The following OXR1 variants were observed in gnomAD, a reference collection of about 807,000 sequenced individuals.
OXR1 encodes the protein oxidation resistance protein 1.
A neutral mutation model predicts 104.6 loss-of-function variants in OXR1; 41 were observed. That is an observed-to-expected ratio of 0.39 (90% CI 0.31 to 0.51). OXR1 has a LOEUF of 0.51. Among genes scored for constraint, OXR1 ranks in the 20% least tolerant of loss-of-function variants. OXR1 has a pLI of 0.77. For synonymous variants in OXR1, 348 were observed against 348.4 expected (o/e 1.00, Z 0.01); for missense variants, 955 against 1,031.9 (o/e 0.93, Z 1.02).
intron 2 of OXR1, among the ~76,000 whole-genome samples, chr8:106,379,143 A>G (rs1817027050): frequency 6.6e-6 from 1 of 152,162 alleles, no homozygotes; most frequent in South Asian, 2.1e-4. Flanking sequence ...AAACGTGTTA[A>G]AGGCATCATC....
At chr8:106,284,791 C>G (rs1196807445) in intron 1 of OXR1, among the ~76,000 whole-genome samples, 1 of 147,530 alleles carries the variant, frequency 6.8e-6, no homozygotes, top group Non-Finnish European at 1.5e-5. Context: ...AAGCTATTAA[C>G]ATTAACCTCA....
chr8:106,423,718 G>T (rs149801176), intron 2 of OXR1, among the ~76,000 whole-genome samples: 4 of 152,222 alleles, frequency 2.6e-5, no homozygotes, highest in African/African-American at 7.2e-5. Context: ...TAAACCACTG[G>T]AGATGAAGAC....
chr8:106,392,585 T>C (rs1252462002), intron 2 of OXR1, among the ~76,000 whole-genome samples: 1 of 152,152 alleles, frequency 6.6e-6, no homozygotes, highest in Non-Finnish European at 1.5e-5. Context: ...GTGATGATAT[T>C]ATTGCATATG....
At chr8:106,340,067 C>T (rs1375578658) in intron 1 of OXR1, among the ~76,000 whole-genome samples, 3 of 152,040 alleles carry the variant, frequency 2.0e-5, no homozygotes, top group Non-Finnish European at 4.4e-5. Flanking sequence ...AAGCTTCCAG[C>T]CTAAAGCTCT....
chr8:106,392,017 A>G (rs1817602990), intron 2 of OXR1, among the ~76,000 whole-genome samples: 1 of 152,148 alleles, frequency 6.6e-6, no homozygotes, highest in African/African-American at 2.4e-5. Context: ...GCATGACACA[A>G]AAGCATCATC....
intron 3 of OXR1, among the ~76,000 whole-genome samples, chr8:106,594,006 C>T (rs1238488580): frequency 6.6e-6 from 1 of 152,148 alleles, no homozygotes; most frequent in African/African-American, 2.4e-5. Flanking sequence ...ATTTAAGGTA[C>T]GTCAAACTGG....
At chr8:106,450,101 C>G (rs1351246922) in intron 2 of OXR1, among the ~76,000 whole-genome samples, 1 of 152,078 alleles carries the variant, frequency 6.6e-6, no homozygotes, top group African/African-American at 2.4e-5. Flanking sequence ...TTTATTCATG[C>G]AATGATGGAT....
chr8:106,472,763 C>G (rs1821585944), intron 2 of OXR1, among the ~76,000 whole-genome samples: 1 of 151,724 alleles, frequency 6.6e-6, no homozygotes, highest in Admixed American at 6.6e-5. Flanking sequence ...ATATCAGTGT[C>G]CAGTGGTTCT....
At chr8:106,487,139 TCAGCCTCTGGAGTAG>T in intron 2 of OXR1, among the ~76,000 whole-genome samples, 1 of 151,702 alleles carries the variant, frequency 6.6e-6, no homozygotes, top group African/African-American at 2.4e-5. Context: ...TTCTCCTGCT[TCAGCCTCTGGAGTAG>T]CTGGGATTAC....
intron 3 of OXR1, among the ~76,000 whole-genome samples, chr8:106,615,242 C>T (rs7838459): frequency 0.35 from 52,590 of 151,742 alleles, 9,524 homozygotes; most frequent in African/African-American, 0.44. Flanking sequence ...CCAGCCTGAC[C>T]GACATGGTGA....
chr8:106,718,109 G>A (rs1168088271), intron 11 of OXR1, among the ~76,000 whole-genome samples: 1 of 152,140 alleles, frequency 6.6e-6, no homozygotes, highest in Non-Finnish European at 1.5e-5. Context: ...GAAAATGTTT[G>A]TCTTCCCTTT....
intron 2 of OXR1, among the ~76,000 whole-genome samples, chr8:106,362,424 C>G (rs1188968688): frequency 2.0e-5 from 3 of 152,088 alleles, no homozygotes; most frequent in Non-Finnish European, 4.4e-5. Context: ...ATTCTCCCAG[C>G]TTTTAAATAC....
intron 1 of OXR1, among the ~76,000 whole-genome samples, chr8:106,298,067 T>C (rs965839159): frequency 6.6e-6 from 1 of 152,194 alleles, no homozygotes; most frequent in South Asian, 2.1e-4. Flanking sequence ...CAATTTTTCT[T>C]ATAATAAGTA....
At chr8:106,633,613 T>C (rs1005238745) in intron 3 of OXR1, among the ~76,000 whole-genome samples, 2 of 152,226 alleles carry the variant, frequency 1.3e-5, no homozygotes, top group African/African-American at 4.8e-5. Context: ...GCCCTGATCA[T>C]CTGAGCCAGC....
chr8:106,710,467 GA>G (rs958189890), intron 9 of OXR1, among the ~76,000 whole-genome samples, 154 bp from the exon 10 acceptor site: 5 of 151,436 alleles, frequency 3.3e-5, no homozygotes, highest in African/African-American at 9.7e-5. Flanking sequence ...ACCTTTGAAG[GA>G]AAAAAAATAT....
chr8:106,570,778 A>G (rs1817416291), intron 3 of OXR1, among the ~76,000 whole-genome samples: 1 of 152,168 alleles, frequency 6.6e-6, no homozygotes, highest in Non-Finnish European at 1.5e-5. Flanking sequence ...TCCAATCTAA[A>G]TAGCCAACAT....
chr8:106,285,780 C>T (rs1356958967), intron 1 of OXR1, among the ~76,000 whole-genome samples: 2 of 151,842 alleles, frequency 1.3e-5, no homozygotes, highest in African/African-American at 2.4e-5. Flanking sequence ...TCTTTATACA[C>T]GACGTCAACA....
At chr8:106,336,798 TC>T (rs1814986297) in intron 1 of OXR1, among the ~76,000 whole-genome samples, 1 of 152,148 alleles carries the variant, frequency 6.6e-6, no homozygotes, top group Non-Finnish European at 1.5e-5. Flanking sequence ...TGACAAAACT[TC>T]CTGGTACTTC....
chr8:106,717,657 A>C (rs1234756657), intron 11 of OXR1, among the ~76,000 whole-genome samples: 1 of 152,152 alleles, frequency 6.6e-6, no homozygotes, highest in Admixed American at 6.5e-5. Context: ...TGTCAATTTC[A>C]TACACTATTA....
Sources: gnomAD v4.1 joint callset for allele counts (sites outside exome capture counted in the v4.1 genomes callset) on GRCh38, gnomAD v4.1.1 for gene constraint, MANE v1.5 for transcripts, NCBI Gene and HGNC (gene_info 2026-07-23, HGNC 2026-07-21) for gene names.